Variants in CLASP2 observed in about 807,000 individuals in gnomAD.
CLASP2 encodes cytoplasmic linker associated protein 2.
In CLASP2, 47 loss-of-function variants were observed where a neutral mutation model predicts 194.4. The ratio of observed to expected loss-of-function variants is 0.24; its 90% CI spans 0.19 to 0.31. CLASP2 has a LOEUF of 0.31. Among genes scored for constraint, CLASP2 ranks in the 10% least tolerant of loss-of-function variants. CLASP2 has a pLI of 1.00. For synonymous variants in CLASP2, 619 were observed against 633.5 expected, an observed-to-expected ratio of 0.98 and a Z score of 0.34; for missense variants, 1,445 against 1,823.6, an observed-to-expected ratio of 0.79 and a Z score of 3.78.
chr3:33,702,586 CA>C (rs915364124), intron 1 of CLASP2, among the ~76,000 whole-genome samples: 2 of 151,456 alleles, frequency 1.3e-5, no homozygotes, highest in African/African-American at 4.9e-5. Context: ...AAACAACAAA[CA>C]AAAAAAGAAT....
intron 10 of CLASP2, among the ~76,000 whole-genome samples, chr3:33,622,764 T>G (rs772582866): frequency 6.6e-6 from 1 of 152,094 alleles, no homozygotes; most frequent in Non-Finnish European, 1.5e-5. Flanking sequence ...TTTTTAAAAG[T>G]GCCAAATTTG....
chr3:33,631,261 C>T (rs1437528369), intron 9 of CLASP2, among the ~76,000 whole-genome samples: 1 of 152,210 alleles, frequency 6.6e-6, no homozygotes, highest in African/African-American at 2.4e-5. Context: ...TCATACCTTT[C>T]TCACAGGAGT....
chr3:33,635,742 T>C (rs898010737), intron 8 of CLASP2, among the ~76,000 whole-genome samples: 16 of 152,128 alleles, frequency 1.1e-4, no homozygotes, highest in African/African-American at 3.9e-4. Flanking sequence ...TTTTTCCTTA[T>C]CCAGTATTAA....
intron 34 of CLASP2, among the ~76,000 whole-genome samples, chr3:33,520,478 T>C (rs1405846870): frequency 6.6e-6 from 1 of 151,970 alleles, no homozygotes; most frequent in Non-Finnish European, 1.5e-5. Flanking sequence ...CCCAGACAGG[T>C]AGGAAGGCTG....
At chr3:33,636,023 T>C (rs187102343) in intron 8 of CLASP2, among the ~76,000 whole-genome samples, 21 of 152,286 alleles carry the variant, frequency 1.4e-4, no homozygotes, top group East Asian at 9.6e-4. Flanking sequence ...TGGTAGTTAG[T>C]TGTATAACGT....
At chr3:33,614,906 G>C (rs2075844997) in intron 12 of CLASP2, among the ~76,000 whole-genome samples, 1 of 152,112 alleles carries the variant, frequency 6.6e-6, no homozygotes, top group Admixed American at 6.5e-5. Context: ...CAGAAGAATA[G>C]CTTGAACCTG....
At chr3:33,652,977 AC>A (rs2083468332) in intron 7 of CLASP2, among the ~76,000 whole-genome samples, 1 of 152,106 alleles carries the variant, frequency 6.6e-6, no homozygotes, top group Non-Finnish European at 1.5e-5. Flanking sequence ...CTATACTACT[AC>A]CAGAGCCTCT....
chr3:33,568,015 T>C (rs1273927753), intron 26 of CLASP2, among the ~76,000 whole-genome samples: 2 of 152,230 alleles, frequency 1.3e-5, no homozygotes. Flanking sequence ...TGGTTAATTA[T>C]TTATTTCTAT....
chr3:33,558,665 T>C (rs2061342189), intron 29 of CLASP2: 2 of 152,076 alleles, frequency 1.3e-5, no homozygotes, highest in Admixed American at 6.5e-5. Context: ...AGAAAGTTAA[T>C]TATAACTCCA....
At chr3:33,698,057 C>T (rs2092084737) in intron 1 of CLASP2, among the ~76,000 whole-genome samples, 1 of 152,082 alleles carries the variant, frequency 6.6e-6, no homozygotes, top group African/African-American at 2.4e-5. Context: ...ACTCTTAAGA[C>T]TAAGGGCTGA....
At chr3:33,524,310 A>G (rs894801071) in intron 34 of CLASP2, among the ~76,000 whole-genome samples, 3 of 152,208 alleles carry the variant, frequency 2.0e-5, no homozygotes, top group South Asian at 2.1e-4. Flanking sequence ...AGGTATATCA[A>G]TAAGTAATAG....
At chr3:33,569,407 A>G (rs1308962827) in intron 26 of CLASP2, among the ~76,000 whole-genome samples, 3 of 152,342 alleles carry the variant, frequency 2.0e-5, no homozygotes, top group South Asian at 2.1e-4. Context: ...TAATAACTAT[A>G]TATTTCAAAG....
chr3:33,644,572 A>G, intron 8 of CLASP2, 185 bp downstream of exon 8: 1 of 664,152 alleles, frequency 1.5e-6, no homozygotes. Flanking sequence ...CTTAGAGGAA[A>G]TAGCAGTATA....
chr3:33,619,208 T>C (rs1398192982), intron 12 of CLASP2, among the ~76,000 whole-genome samples: 2 of 152,182 alleles, frequency 1.3e-5, no homozygotes, highest in Non-Finnish European at 2.9e-5. Context: ...GGGACCACTG[T>C]TGTATATGCA....
chr3:33,584,282 G>GTT lies in CLASP2; in HGVS notation c.2239+466_2239+467dup, dbSNP rs35355235. Among the ~76,000 whole-genome samples, 95 of 132,580 alleles carry GTT rather than the reference G, an allele frequency of 7.2e-4. 2 individuals carry two copies. The highest frequency in any genetic ancestry group is 4.0e-3 in the Middle Eastern group (1 of 252). 87.0% of individuals were successfully genotyped at this position (132,580 alleles called of 152,430 possible). A position where few individuals can be genotyped will look rare whatever the true frequency, so the allele number is the denominator to read the frequency against. On this transcript the variant is annotated intron_variant, in intron 22 of 38. Transcript: ENST00000682230. The stretch of plus-strand genomic sequence containing the variant: ...ATAGGGTTTGTTTGTTTTGTTTTGG[G>GTT]TTTTTTTTTTTTTTTTTGAGACAGA...
intron 21 of CLASP2, among the ~76,000 whole-genome samples, chr3:33,587,981 G>T (rs932328876): frequency 6.6e-6 from 1 of 152,152 alleles, no homozygotes; most frequent in African/African-American, 2.4e-5. Flanking sequence ...TGAAATGTGG[G>T]TCTATTCAGC....
At chr3:33,625,829 A>G (rs542509920) in intron 10 of CLASP2, among the ~76,000 whole-genome samples, 4 of 152,160 alleles carry the variant, frequency 2.6e-5, no homozygotes, top group Admixed American at 2.0e-4. Flanking sequence ...GCAGGAAACT[A>G]TTAACTTTTT....
At chr3:33,511,901 G>T (rs2049954569) in intron 36 of CLASP2, among the ~76,000 whole-genome samples, 1 of 66,674 alleles carries the variant, frequency 1.5e-5, no homozygotes, top group Non-Finnish European at 2.9e-5. Context: ...AAAAAGTCAG[G>T]AAACAACAGG....
chr3:33,559,351 G>C lies in CLASP2; in HGVS notation c.2965C>G (p.Leu989Val). The C allele has an allele frequency of 6.3e-7, 1 of 1,598,306 alleles. No homozygotes were observed. Among genetic ancestry groups the C allele is most frequent in the Non-Finnish European group, 8.5e-7 (1 of 1,170,678 alleles). The change falls in exon 29 of 39, where the codon CTA (leucine) becomes GTA (valine). Residue 989 changes from leucine (L) to valine (V), a missense_variant. By Grantham distance (32) the Leu-to-Val change is conservative. Transcript: ENST00000682230. Reference protein sequence around the residue: ...SFPNDLQFNILMRFTVDQTQT... With the variant: ...SFPNDLQFNIVMRFTVDQTQT... ...GTCTGATCAACTGTAAATCTCATTA[G>C]AATATTGAACTGAAGATCATTTGGA...
Sources: allele counts gnomAD v4.1 joint callset (sites outside exome capture counted in the v4.1 genomes callset), GRCh38; gene constraint gnomAD v4.1.1; transcripts MANE v1.5; gene names NCBI Gene and HGNC (gene_info 2026-07-23, HGNC 2026-07-21).